PTPRD: variants seen among roughly 807,000 people sequenced by gnomAD.
The protein encoded by PTPRD is receptor-type tyrosine-protein phosphatase delta.
A neutral mutation model predicts 214.5 loss-of-function variants in PTPRD; 34 were observed. That is an observed-to-expected ratio of 0.16 (90% CI 0.12 to 0.21). The LOEUF is 0.21. Among genes scored for constraint, PTPRD ranks in the 10% least tolerant of loss-of-function variants. The pLI is 1.00. For missense variants in PTPRD, 2,545 were observed against 2,398.7 expected (o/e 1.06, Z -1.27); for synonymous variants, 1,128 against 845.7 (o/e 1.33, Z -5.79).
chr9:9,075,652 C>A (rs773795694), intron 10 of PTPRD, among the ~76,000 whole-genome samples: 2 of 152,048 alleles, frequency 1.3e-5, no homozygotes, highest in Admixed American at 6.6e-5. Context: ...TGAGTGAGAA[C>A]ATGCGGTGTT....
chr9:9,484,573 C>G lies in PTPRD; in HGVS notation c.-236-87091G>C, dbSNP rs560585157. 3.3e-5 allele frequency among the ~76,000 whole-genome samples: 5 copies of G among 152,182 alleles called. No individual in the cohort carries two copies. The East Asian group carries it at 9.7e-4, about 29-fold the overall frequency. ...CTTTAATAAAAAGCAGAACAAACAA[C>G]ATTTGTTTATGGTTGTTATTGGTTT... On this transcript the variant is annotated intron_variant, in intron 8 of 45. Coordinates refer to ENST00000381196, the MANE Select transcript of PTPRD (RefSeq NM_002839.4).
intron 9 of PTPRD, among the ~76,000 whole-genome samples, chr9:9,373,818 G>T (rs1478748841): frequency 6.6e-6 from 1 of 151,992 alleles, no homozygotes; most frequent in Non-Finnish European, 1.5e-5. Flanking sequence ...AATCTCTGGG[G>T]ACTTTTTTCA....
At chr9:10,521,377 G>C (rs1181007811) in intron 2 of PTPRD, among the ~76,000 whole-genome samples, 3 of 152,158 alleles carry the variant, frequency 2.0e-5, no homozygotes, top group Non-Finnish European at 2.9e-5. Flanking sequence ...GTTGCTTCTT[G>C]TGGATGAGCC....
intron 10 of PTPRD, among the ~76,000 whole-genome samples, chr9:9,103,787 C>A (rs1006978767): frequency 6.6e-6 from 1 of 152,026 alleles, no homozygotes; most frequent in African/African-American, 2.4e-5. Context: ...TTGAGACCAG[C>A]TTGGGCAACA....
At chr9:9,429,770 C>A (rs558638626) in intron 8 of PTPRD, among the ~76,000 whole-genome samples, 2 of 152,266 alleles carry the variant, frequency 1.3e-5, no homozygotes, top group Non-Finnish European at 1.5e-5. Context: ...TAAACATAAT[C>A]CATCATACGA....
chr9:9,175,746 T>A (rs2099924421), intron 10 of PTPRD, among the ~76,000 whole-genome samples: 1 of 152,024 alleles, frequency 6.6e-6, no homozygotes, highest in Admixed American at 6.6e-5. Context: ...TTACTCCATA[T>A]TTCTACCGGC....
chr9:8,719,697 A>AC (rs2098471917), intron 12 of PTPRD, among the ~76,000 whole-genome samples: 1 of 152,132 alleles, frequency 6.6e-6, no homozygotes, highest in East Asian at 1.9e-4. Context: ...TGTGATAGAG[A>AC]CCCACAAAGC....
Position 8,317,422 on chromosome 9 carries a change from A to C in PTPRD, c.*452T>G, listed in dbSNP as rs1822747186. On this transcript the variant is annotated 3_prime_UTR_variant, in exon 46 of 46. Coordinates refer to ENST00000381196, the MANE Select transcript of PTPRD (RefSeq NM_002839.4). ...ACATTCCCTCCCCTTTCCCCCTAAA[A>C]TGTTATTATGAGCAGTATGGTGGGA... 4.3e-6 allele frequency: 1 copy of C among 233,230 alleles called. No homozygotes were observed. Among genetic ancestry groups the C allele is most frequent in the East Asian group, 6.1e-5 (1 of 16,504 alleles). 14.4% of individuals were successfully genotyped at this position (233,230 alleles called of 1,614,324 possible). A position where few individuals can be genotyped will look rare whatever the true frequency, so the allele number is the denominator to read the frequency against.
At chr9:9,399,077 A>G (rs2069101894) in intron 8 of PTPRD, among the ~76,000 whole-genome samples, 1 of 151,988 alleles carries the variant, frequency 6.6e-6, no homozygotes, top group Non-Finnish European at 1.5e-5. Context: ...ACTCGTATTA[A>G]GGTTTTCTGT....
chr9:9,954,797 A>C (rs1329076304), intron 4 of PTPRD, among the ~76,000 whole-genome samples: 1 of 152,154 alleles, frequency 6.6e-6, no homozygotes, highest in African/African-American at 2.4e-5. Context: ...GATACAAGTA[A>C]CTATATATAC....
chr9:9,704,760 C>T lies in PTPRD; in HGVS notation c.-287+29773G>A, dbSNP rs540152882. 2.6e-5 allele frequency among the ~76,000 whole-genome samples: 4 copies of T among 152,284 alleles called. No homozygotes were observed. In the South Asian group the frequency reaches 8.3e-4, roughly 32 times the overall value. ...CACATGAAGTGCTCTTGTTGACAGTCCCTGCTGTGCCTAGGCTACTAGCCA... is the reference window on the plus strand; with the variant it reads ...CACATGAAGTGCTCTTGTTGACAGTTCCTGCTGTGCCTAGGCTACTAGCCA... On this transcript the variant is annotated intron_variant, in intron 7 of 45. Transcript: ENST00000381196.
chr9:9,801,038 T>C (rs1051839074), intron 5 of PTPRD, among the ~76,000 whole-genome samples: 14 of 152,018 alleles, frequency 9.2e-5, no homozygotes, highest in Admixed American at 2.6e-4. Context: ...TACTCAACTG[T>C]TATTTATTAT....
chr9:9,492,557 G>T (rs1318570268), intron 8 of PTPRD, among the ~76,000 whole-genome samples: 1 of 151,974 alleles, frequency 6.6e-6, no homozygotes, highest in Middle Eastern at 3.2e-3. Flanking sequence ...AAAACAACAT[G>T]ATCAAACTAA....
At chr9:10,016,092 T>A (rs2096706107) in intron 4 of PTPRD, among the ~76,000 whole-genome samples, 1 of 152,160 alleles carries the variant, frequency 6.6e-6, no homozygotes, top group South Asian at 2.1e-4. Flanking sequence ...GCTATCAATC[T>A]CAATTAAATC....
At chr9:8,595,448 T>C (rs542925929) in intron 14 of PTPRD, among the ~76,000 whole-genome samples, 49 of 152,200 alleles carry the variant, frequency 3.2e-4, no homozygotes, top group African/African-American at 1.2e-3. Flanking sequence ...GGAAAAAAAT[T>C]AGTACTGCTT....
chr9:8,470,411 T>G (rs1198997376), intron 31 of PTPRD, among the ~76,000 whole-genome samples: 2 of 152,162 alleles, frequency 1.3e-5, no homozygotes, highest in African/African-American at 4.8e-5. Flanking sequence ...TATTTAGTAT[T>G]TGTTGTTTCT....
intron 7 of PTPRD, among the ~76,000 whole-genome samples, chr9:9,643,510 A>T (rs1052751128): frequency 6.6e-6 from 1 of 152,162 alleles, no homozygotes; most frequent in Non-Finnish European, 1.5e-5. Context: ...TTTCTTCATG[A>T]AGGAAACAAA....
rs190020660 is a variant in PTPRD, at chr9:9,445,335, G to T, written c.-236-47853C>A. Among the ~76,000 whole-genome samples, 284 of 152,218 alleles carry T rather than the reference G, an allele frequency of 1.9e-3. 1 individual carries two copies. The highest frequency in any genetic ancestry group is 6.0e-3 in the African/African-American group (248 of 41,544). On this transcript the variant is annotated intron_variant, in intron 8 of 45. Transcript: ENST00000381196. ...AGTTATGCATGCCATTGATGGATCTGTTTCCTTGAGATCTGGAAAAAGTGG... is the reference window on the plus strand; with the variant it reads ...AGTTATGCATGCCATTGATGGATCTTTTTCCTTGAGATCTGGAAAAAGTGG...
chr9:9,033,017 T>A (rs996520653), intron 10 of PTPRD, among the ~76,000 whole-genome samples: 3 of 152,068 alleles, frequency 2.0e-5, no homozygotes, highest in Non-Finnish European at 2.9e-5. Flanking sequence ...GCAAAAATGG[T>A]ACTAATCACC....
Sources: allele counts gnomAD v4.1 joint callset (sites outside exome capture counted in the v4.1 genomes callset), GRCh38; gene constraint gnomAD v4.1.1; transcripts MANE v1.5; gene names NCBI Gene and HGNC (gene_info 2026-07-23, HGNC 2026-07-21).